Variants in ME1 observed in about 807,000 individuals in gnomAD.
ME1 encodes the protein malic enzyme 1.
In ME1, 74 loss-of-function variants were observed where a neutral mutation model predicts 66.4. The ratio of observed to expected loss-of-function variants is 1.11; its 90% CI spans 0.92 to 1.35. ME1 has a LOEUF of 1.35. Ranked by LOEUF, ME1 falls within the 40% of genes most tolerant of loss-of-function variation. The probability of loss-of-function intolerance (pLI) is 0.00; values close to 1 mark genes in which losing one functional copy is unlikely to be tolerated. For missense variants in ME1, 750 were observed against 694.1 expected, an observed-to-expected ratio of 1.08 and a Z score of -0.90; for synonymous variants, 251 against 235.6, an observed-to-expected ratio of 1.07 and a Z score of -0.60.
rs780787550 is a variant in ME1 at position 83,315,335 on chromosome 6, C to T, written c.679G>A (p.Glu227Lys). 4 of 1,609,638 alleles carry T rather than the reference C, an allele frequency of 2.5e-6. No homozygotes were observed. The highest frequency in any genetic ancestry group is 2.2e-5 in the South Asian group (2 of 90,566). Reference sequence around the variant, plus strand: ...TTGGAAGAAACTGCCTCCATGAATTCGTCCAAAAAATCATCATATTCAGAA... The same window carrying T: ...TTGGAAGAAACTGCCTCCATGAATTTGTCCAAAAAATCATCATATTCAGAA... The part of the protein sequence containing the change: ...RGSEYDDFLD[E>K]FMEAVSSKYG... Residue 227 changes from glutamate to lysine, a missense_variant, in exon 6 of 14, where the codon GAA (glutamate) becomes AAA (lysine). By Grantham distance (56) the Glu-to-Lys change is moderately conservative. Transcript: ENST00000369705.
chr6:83,289,618 G>A (rs1767463141), intron 6 of ME1, among the ~76,000 whole-genome samples: 1 of 152,160 alleles, frequency 6.6e-6, no homozygotes, highest in Non-Finnish European at 1.5e-5. Flanking sequence ...TCTCTGCCAG[G>A]CTTTGGTATC....
chr6:83,228,342 A>G (rs1266357529), intron 10 of ME1, among the ~76,000 whole-genome samples: 1 of 152,180 alleles, frequency 6.6e-6, no homozygotes, highest in African/African-American at 2.4e-5. Context: ...TTGACATTTT[A>G]GGCTGGATAA....
chr6:83,367,514 A>G (rs548464130), intron 3 of ME1, among the ~76,000 whole-genome samples: 1 of 152,182 alleles, frequency 6.6e-6, no homozygotes, highest in East Asian at 1.9e-4. Context: ...ACCTTCATCA[A>G]TGATCTTAGC....
intron 5 of ME1, among the ~76,000 whole-genome samples, chr6:83,344,623 C>A (rs967293853): frequency 1.3e-5 from 2 of 152,046 alleles, no homozygotes; most frequent in South Asian, 4.1e-4. Flanking sequence ...GTGGCTCACG[C>A]CGGTAATCCC....
intron 6 of ME1, among the ~76,000 whole-genome samples, chr6:83,288,067 T>C (rs914692621): frequency 2.0e-5 from 3 of 152,192 alleles, no homozygotes; most frequent in Non-Finnish European, 4.4e-5. Context: ...CTTTGTCAGA[T>C]AGACATATTG....
At chr6:83,394,292 TAGA>T (rs1277275806) in intron 3 of ME1, among the ~76,000 whole-genome samples, 3 of 152,220 alleles carry the variant, frequency 2.0e-5, no homozygotes, top group East Asian at 1.9e-4. Flanking sequence ...TCAGAACAGC[TAGA>T]AGAAGATAAT....
chr6:83,246,061 A>G (rs1311809591), intron 7 of ME1, among the ~76,000 whole-genome samples: 1 of 152,128 alleles, frequency 6.6e-6, no homozygotes, highest in Non-Finnish European at 1.5e-5. Flanking sequence ...TATGTCTAGT[A>G]TTTTGTCAAA....
At chr6:83,426,705 AATG>A (rs1160383697) in intron 1 of ME1, among the ~76,000 whole-genome samples, 1 of 152,230 alleles carries the variant, frequency 6.6e-6, no homozygotes, top group Non-Finnish European at 1.5e-5. Flanking sequence ...AAAAGTTAGT[AATG>A]ATGACCCAAA....
At chr6:83,223,110 C>T (rs897030184) in intron 12 of ME1, among the ~76,000 whole-genome samples, 1 of 152,172 alleles carries the variant, frequency 6.6e-6, no homozygotes. Flanking sequence ...GCACTGTTCT[C>T]AACAGGGAAA....
intron 4 of ME1, among the ~76,000 whole-genome samples, chr6:83,346,617 T>G (rs989708737): frequency 1.2e-4 from 19 of 152,102 alleles, no homozygotes; most frequent in African/African-American, 4.6e-4. Context: ...GAAGAGCAAG[T>G]GGGTAAAGTA....
chr6:83,295,644 G>A (rs1326542409), intron 6 of ME1, among the ~76,000 whole-genome samples: 3 of 152,004 alleles, frequency 2.0e-5, no homozygotes, highest in Admixed American at 2.0e-4. Flanking sequence ...CAACCCCAAA[G>A]CTAGCAGAAG....
rs557007902 is a variant in ME1, at chr6:83,420,773, T to C, written c.78+10104A>G. On this transcript the variant is annotated intron_variant, in intron 1 of 13. Coordinates refer to ENST00000369705, the MANE Select transcript of ME1 (RefSeq NM_002395.6). ...CAACAAATTATTACAGAATACCTAC[T>C]ACATTCCAGGCCCTAAGAGCAACTA... 3.2e-4 allele frequency among the ~76,000 whole-genome samples: 49 copies of C among 152,342 alleles called. No homozygotes were observed. The South Asian group carries it at 8.9e-3, about 28-fold the overall frequency.
At chr6:83,326,616 C>CA (rs1272432639) in intron 5 of ME1, among the ~76,000 whole-genome samples, 1 of 151,818 alleles carries the variant, frequency 6.6e-6, no homozygotes, top group South Asian at 2.1e-4. Flanking sequence ...TGTATGTGGC[C>CA]AAAAAACATA....
intron 5 of ME1, among the ~76,000 whole-genome samples, chr6:83,333,798 T>C (rs913030563): frequency 2.6e-5 from 4 of 152,170 alleles, no homozygotes; most frequent in African/African-American, 7.2e-5. Context: ...GAGTCAAAGA[T>C]GAAAACATAT....
At chr6:83,349,292 A>G (rs1768753341) in intron 4 of ME1, among the ~76,000 whole-genome samples, 1 of 152,188 alleles carries the variant, frequency 6.6e-6, no homozygotes, top group Non-Finnish European at 1.5e-5. Context: ...TATGTAGTTT[A>G]TCACTAAATT....
intron 9 of ME1, among the ~76,000 whole-genome samples, chr6:83,235,982 T>C (rs553369832): frequency 3.9e-5 from 6 of 152,222 alleles, no homozygotes; most frequent in Admixed American, 2.6e-4. Flanking sequence ...GAAATAAATG[T>C]TTTAAGGTAA....
intron 1 of ME1, among the ~76,000 whole-genome samples, chr6:83,411,096 GGGCCGGGCGT>G (rs2128552401): frequency 6.6e-6 from 1 of 152,302 alleles, no homozygotes; most frequent in South Asian, 2.1e-4. Context: ...ATACTCCTAT[GGGCCGGGCGT>G]GGTGGCTCAC....
rs368447002 is a variant in ME1, at chr6:83,421,176, T to C, written c.78+9701A>G. On this transcript the variant is annotated intron_variant, in intron 1 of 13. Transcript: ENST00000369705. ...CTAAATCCTTAGAACACAGACATTT[T>C]ATAAATTATGTATAGAGTTTTTGTC... Among the ~76,000 whole-genome samples, 6 of 152,320 alleles carry C rather than the reference T, an allele frequency of 3.9e-5. No individual in the cohort carries two copies. In the East Asian group the frequency reaches 9.6e-4, roughly 24 times the overall value.
chr6:83,272,761 G>A (rs1767106704), intron 6 of ME1, among the ~76,000 whole-genome samples: 1 of 152,066 alleles, frequency 6.6e-6, no homozygotes, highest in Non-Finnish European at 1.5e-5. Context: ...GACTTAGCAG[G>A]TATATATGCA....
Sources: gnomAD v4.1 joint callset for allele counts (sites outside exome capture counted in the v4.1 genomes callset) on GRCh38, gnomAD v4.1.1 for gene constraint, MANE v1.5 for transcripts, NCBI Gene and HGNC (gene_info 2026-07-23, HGNC 2026-07-21) for gene names.